Variants in PPL observed in about 807,000 individuals in gnomAD.
The protein encoded by PPL is 190 kDa paraneoplastic pemphigus antigen.
In PPL, 198 loss-of-function variants were observed where a neutral mutation model predicts 194.4. That is an observed-to-expected ratio of 1.02 (90% confidence interval 0.91 to 1.15). PPL has a LOEUF of 1.15. PPL is among the 50% of genes most tolerant of loss of function. PPL has a pLI of 0.00. For missense variants in PPL, 2,885 were observed against 2,294.8 expected (o/e 1.26, Z -5.25); for synonymous variants, 1,220 against 972.4 (o/e 1.25, Z -4.74).
chr16:4,933,013 T>C (rs1240860511), intron 1 of PPL, among the ~76,000 whole-genome samples: 4 of 151,310 alleles, frequency 2.6e-5, no homozygotes, highest in Non-Finnish European at 5.9e-5. Flanking sequence ...TTTTTTTTTT[T>C]CTTTTTGAGA....
rs1351222331 is a variant in PPL, at chr16:4,883,832, T to C, written c.4823A>G (p.His1608Arg). The C allele has an allele frequency of 3.7e-6, 6 of 1,614,130 alleles. No homozygotes were observed. The East Asian group carries it at 1.1e-4, about 30-fold the overall frequency. ...CTCCAGGGACCACAGTCTGGAGTCA[T>C]GGTTGGTCCCAGAGTCCGCCACGGT... ...NMTVADSGTN[H>R]DSRLWSLERE... Residue 1608 changes from histidine to arginine, a missense_variant, in exon 22 of 22, where the codon CAT (histidine) becomes CGT (arginine). Transcript: ENST00000345988. This position sits in a 1 kb window ranked among gnomAD's most constrained non-coding sequence, Gnocchi z 4.8.
In PPL at chr16:4,885,257, A is replaced by C. The variant is rs145318499; in HGVS notation, c.3398T>G (p.Leu1133Arg). The change falls in exon 22 of 22, where the codon CTC becomes CGC. Residue 1133 changes from leucine to arginine, a missense_variant. Physicochemically the swap from Leu to Arg is moderately radical, Grantham distance 102. Coordinates refer to ENST00000345988, the MANE Select transcript of PPL (RefSeq NM_002705.5). This position sits in a 1 kb window ranked among gnomAD's most constrained non-coding sequence, Gnocchi z 6.3. ...DAATEREVSD[L>R]TRQYEDEAAK... is the part of the protein sequence containing the mutation. ...AGCCTCGTCCTCATATTGGCGGGTGAGATCGCTGACCTCCCTCTCGGTGGC... is the reference window on the plus strand; with the variant it reads ...AGCCTCGTCCTCATATTGGCGGGTGCGATCGCTGACCTCCCTCTCGGTGGC... 6.2e-7 allele frequency: 1 copy of C among 1,612,442 alleles called. No individual in the cohort carries two copies. The highest frequency in any genetic ancestry group is 1.3e-5 in the African/African-American group (1 of 74,766).
rs891558376 is a variant in PPL, at chr16:4,895,336, C to G, written c.1167G>C (p.Val389=). 1 of 1,613,398 alleles carries G rather than the reference C, an allele frequency of 6.2e-7. No individual in the cohort carries two copies. Among genetic ancestry groups the G allele is most frequent in the Non-Finnish European group, 8.5e-7 (1 of 1,179,970 alleles). ...GAGTCTCCCGGCGGTACTTGAGGGG[C>G]ACCACCTGCTGGCCTCGCTTCTGCA... ...QGLQKRGQQV[V]PLKYRRETPL... The change falls in exon 11 of 22, where the codon GTG becomes GTC. Residue 389 remains valine (V), a synonymous_variant. Transcript: ENST00000345988.
intron 19 of PPL, 29 bp from the exon 20 acceptor site, chr16:4,888,247 G>T: frequency 6.7e-7 from 1 of 1,497,798 alleles, no homozygotes; most frequent in Non-Finnish European, 9.3e-7. Flanking sequence ...TGGCAGAGGG[G>T]AGATTAAAAC....
chr16:4,898,680 T>C (rs2088481824), intron 8 of PPL, among the ~76,000 whole-genome samples: 1 of 152,142 alleles, frequency 6.6e-6, no homozygotes. Context: ...CTAAGACACC[T>C]TGATTTCAGA....
At chr16:4,906,521 G>C (rs577943613) in intron 2 of PPL, among the ~76,000 whole-genome samples, 1 of 152,178 alleles carries the variant, frequency 6.6e-6, no homozygotes, top group Non-Finnish European at 1.5e-5. Flanking sequence ...CACCGCGCCC[G>C]GCCTGCTTGG....
At chr16:4,890,450 A>G in intron 17 of PPL, 116 bp from the exon 18 acceptor site, 1 of 1,307,004 alleles carries the variant, frequency 7.7e-7, no homozygotes, top group Non-Finnish European at 1.0e-6. Context: ...TACCCCAAGT[A>G]TCTCCCACAC....
Position 4,885,280 on chromosome 16 carries a change from G to A in PPL, c.3375C>T (p.Ala1125=), listed in dbSNP as rs774548376. The change falls in exon 22 of 22, where the codon GCC becomes GCT. Residue 1125 remains alanine, a synonymous_variant. Transcript: ENST00000345988. This position sits in a 1 kb window ranked among gnomAD's most constrained non-coding sequence, Gnocchi z 6.3. The stretch of plus-strand genomic sequence containing the variant: ...TGAGATCGCTGACCTCCCTCTCGGT[G>A]GCCGCGTCCTTCTCCACCTTGAGCA... ...KEVLKVEKDA[A]TEREVSDLTR... 5.0e-6 allele frequency: 8 copies of A among 1,610,824 alleles called. No individual in the cohort carries two copies. Among genetic ancestry groups the A allele is most frequent in the African/African-American group, 1.3e-5 (1 of 74,616 alleles).
Position 4,920,913 on chromosome 16 carries a change from T to A in PPL, c.63-9964A>T, listed in dbSNP as rs760096800. On this transcript the variant is annotated intron_variant, in intron 1 of 21. Transcript: ENST00000345988. ...CCCACTGTGCCTGGCTCATTTACAT[T>A]GTTTATACAATTCGGGCCTTGCTGG... Among the ~76,000 whole-genome samples, 92 of 152,272 alleles carry A rather than the reference T, an allele frequency of 6.0e-4. 1 individual carries two copies. Among genetic ancestry groups the A allele is most frequent in the Middle Eastern group, 3.4e-3 (1 of 294 alleles).
chr16:4,916,869 C>T (rs1024930630), intron 1 of PPL, among the ~76,000 whole-genome samples: 13 of 152,074 alleles, frequency 8.5e-5, no homozygotes, highest in Non-Finnish European at 5.9e-5. Flanking sequence ...GTGACTCACG[C>T]CTGCAATCCC....
chr16:4,929,770 T>C (rs1163201804), intron 1 of PPL, among the ~76,000 whole-genome samples: 2 of 152,064 alleles, frequency 1.3e-5, no homozygotes, highest in Non-Finnish European at 2.9e-5. Flanking sequence ...CACTGCAGCC[T>C]TGAATTCCTG....
chr16:4,930,447 G>C (rs2089212621), intron 1 of PPL, among the ~76,000 whole-genome samples: 1 of 152,238 alleles, frequency 6.6e-6, no homozygotes, highest in Non-Finnish European at 1.5e-5. Flanking sequence ...GGCTCTGCTG[G>C]TCCTGGGGTG....
chr16:4,909,613 G>C (rs2088779232), intron 2 of PPL, among the ~76,000 whole-genome samples: 4 of 151,852 alleles, frequency 2.6e-5, no homozygotes, highest in Admixed American at 2.6e-4. Context: ...TTTTAGTAGA[G>C]ATGAGGTTTC....
chr16:4,885,056 C>G lies in PPL; in HGVS notation c.3599G>C (p.Arg1200Pro), dbSNP rs150446268. Residue 1200 changes from arginine to proline, a missense_variant, in exon 22 of 22, where the codon CGA (arginine) becomes CCA (proline). Physicochemically the swap from Arg to Pro is moderately radical, Grantham distance 103 (BLOSUM62 -2). Coordinates refer to ENST00000345988, the MANE Select transcript of PPL (RefSeq NM_002705.5). This position sits in a 1 kb window ranked among gnomAD's most constrained non-coding sequence, Gnocchi z 6.3. ...CTGCTCCTCGGCACCCCGGTACTTT[C>G]GCTCCTGCTCCACAAGCTCCAGGCG... ...NLRLELVEQE[R>P]KYRGAEEQLR... 4.9e-5 allele frequency: 79 copies of G among 1,613,514 alleles called. No homozygotes were observed. The highest frequency in any genetic ancestry group is 1.0e-4 in the Admixed American group (6 of 60,002).
intron 11 of PPL, among the ~76,000 whole-genome samples, chr16:4,895,011 A>T (rs754182500): frequency 2.0e-5 from 3 of 152,168 alleles, no homozygotes; most frequent in Non-Finnish European, 2.9e-5. Context: ...CAGTGAGCCA[A>T]TGAGAACCTG....
At chr16:4,903,547 C>G (rs1388275830) in intron 3 of PPL, among the ~76,000 whole-genome samples, 1 of 152,008 alleles carries the variant, frequency 6.6e-6, no homozygotes, top group Non-Finnish European at 1.5e-5. Flanking sequence ...TGGAGAAACC[C>G]TGTCTCTACT....
chr16:4,886,729 C>T (rs1393481358), intron 21 of PPL, among the ~76,000 whole-genome samples: 1 of 152,232 alleles, frequency 6.6e-6, no homozygotes, highest in Non-Finnish European at 1.5e-5. Context: ...AGCAATTCTC[C>T]TGCCTCAGTC....
Position 4,889,027 on chromosome 16 carries a change from TCCTGCTC to T in PPL, c.2341_2347del (p.Glu781LysfsTer16), listed in dbSNP as rs1434405853. 1 of 1,613,662 alleles carries T rather than the reference TCCTGCTC, an allele frequency of 6.2e-7. No homozygotes were observed. Among genetic ancestry groups the T allele is most frequent in the African/African-American group, 1.3e-5 (1 of 74,882 alleles). On this transcript the variant is annotated frameshift_variant, in exon 19 of 22. Coordinates refer to ENST00000345988, the MANE Select transcript of PPL (RefSeq NM_002705.5). LOFTEE classifies it high-confidence loss of function. ...GGAATTGGCACAGATCTTCTGTACTTCCTGCTCCCTACTTGCTATCTCATCTAGCAGG... is the reference window on the plus strand; with the variant it reads ...GGAATTGGCACAGATCTTCTGTACTTCCTACTTGCTATCTCATCTAGCAGG...
intron 1 of PPL, among the ~76,000 whole-genome samples, chr16:4,919,481 C>G (rs74339401): frequency 1.2e-3 from 184 of 152,272 alleles, no homozygotes; most frequent in African/African-American, 3.5e-3. Context: ...CCAGGCTAGT[C>G]CCGAACTCCT....
Sources: gnomAD v4.1 joint callset for allele counts (sites outside exome capture counted in the v4.1 genomes callset) on GRCh38, gnomAD v4.1.1 for gene constraint, Gnocchi (gnomAD v3.1) non-coding constraint, MANE v1.5 for transcripts, NCBI Gene and HGNC (gene_info 2026-07-23, HGNC 2026-07-21) for gene names.